The following PLD5 variants were observed in gnomAD, a reference collection of about 807,000 sequenced individuals.
PLD5 encodes the protein phospholipase D family member 5.
In PLD5, 36 loss-of-function variants were observed where a neutral mutation model predicts 61.1. That is an observed-to-expected ratio of 0.59 (90% CI 0.45 to 0.78). PLD5 has a LOEUF of 0.78. Ranked by LOEUF, PLD5 falls within the 30% of genes least tolerant of loss-of-function variation. PLD5 has a pLI of 0.00. For synonymous variants in PLD5, 243 were observed against 242.8 expected (o/e 1.00, Z -0.01); for missense variants, 515 against 644.4 (o/e 0.80, Z 2.17).
At chr1:242,216,666 T>G (rs754579729) in intron 5 of PLD5, among the ~76,000 whole-genome samples, 11 of 152,222 alleles carry the variant, frequency 7.2e-5, no homozygotes, top group Non-Finnish European at 1.6e-4. Flanking sequence ...CAGCACCTTC[T>G]TTACAGCACC....
intron 1 of PLD5, among the ~76,000 whole-genome samples, chr1:242,369,781 AT>A (rs2149245065): frequency 6.6e-6 from 1 of 152,306 alleles, no homozygotes; most frequent in East Asian, 1.9e-4. Context: ...AAGGCAAGTT[AT>A]TTATCCATAG....
In PLD5 at chr1:242,400,762, A is replaced by G. The variant is rs150797036; in HGVS notation, c.190-52520T>C. 3.1e-3 allele frequency among the ~76,000 whole-genome samples: 475 copies of G among 152,212 alleles called. 1 individual carries two copies. Among genetic ancestry groups the G allele is most frequent in the Non-Finnish European group, 5.3e-3 (363 of 68,004 alleles). Reference sequence around the variant, plus strand: ...AGCCCCCAAGAACCTCCTGCCAATTATATGCCCATGTGCATAAGCTTTCTC... The same window carrying G: ...AGCCCCCAAGAACCTCCTGCCAATTGTATGCCCATGTGCATAAGCTTTCTC... On this transcript the variant is annotated intron_variant, in intron 1 of 9. Transcript: ENST00000536534.
intron 1 of PLD5, among the ~76,000 whole-genome samples, chr1:242,407,272 C>T (rs867441610): frequency 2.4e-5 from 3 of 125,718 alleles, no homozygotes; most frequent in South Asian, 2.5e-4. Flanking sequence ...CAGTTCACCA[C>T]GTGGAACTGT....
chr1:242,231,986 C>T (rs1574571109), intron 4 of PLD5, among the ~76,000 whole-genome samples: 1 of 147,338 alleles, frequency 6.8e-6, no homozygotes, highest in Admixed American at 6.7e-5. Context: ...CCAATGTAAG[C>T]AAAAATGACG....
intron 5 of PLD5, among the ~76,000 whole-genome samples, chr1:242,126,960 G>GA (rs374236485): frequency 2.7e-5 from 4 of 150,646 alleles, no homozygotes; most frequent in Non-Finnish European, 4.4e-5. Context: ...AAATTAGCAA[G>GA]AAAAAAACAA....
intron 2 of PLD5, among the ~76,000 whole-genome samples, chr1:242,306,296 A>T (rs925942347): frequency 6.6e-6 from 1 of 150,474 alleles, no homozygotes; most frequent in African/African-American, 2.5e-5. Context: ...TTTAAATCTG[A>T]GTTGCTGGGC....
At chr1:242,467,224 A>G (rs955329567) in intron 1 of PLD5, among the ~76,000 whole-genome samples, 2 of 152,256 alleles carry the variant, frequency 1.3e-5, no homozygotes, top group Admixed American at 6.5e-5. Context: ...CTTGTTAATT[A>G]TAATAAAATT....
At chr1:242,348,072 C>A (rs1243165989) in intron 2 of PLD5, 34 bp downstream of exon 2, 1 of 1,608,430 alleles carries the variant, frequency 6.2e-7, no homozygotes, top group East Asian at 2.2e-5. Flanking sequence ...CTTGCCCGCC[C>A]CCTAAAAGAG....
At chr1:242,255,377 A>G (rs1325219796) in intron 4 of PLD5, among the ~76,000 whole-genome samples, 1 of 152,230 alleles carries the variant, frequency 6.6e-6, no homozygotes, top group Non-Finnish European at 1.5e-5. Flanking sequence ...ACCTAAGTAA[A>G]AAAAGCCTCA....
chr1:242,257,038 T>A (rs866412412), intron 4 of PLD5, among the ~76,000 whole-genome samples: 3 of 142,394 alleles, frequency 2.1e-5, no homozygotes, highest in South Asian at 2.4e-4. Flanking sequence ...CCTACCTACC[T>A]TCTATCTATC....
At chr1:242,452,213 C>CT (rs571263476) in intron 1 of PLD5, among the ~76,000 whole-genome samples, 36 of 149,400 alleles carry the variant, frequency 2.4e-4, no homozygotes, top group East Asian at 1.4e-3. Context: ...GCATTTTGGA[C>CT]TTTTTTTTTT....
At chr1:242,458,471 G>A (rs1334660065) in intron 1 of PLD5, among the ~76,000 whole-genome samples, 1 of 152,202 alleles carries the variant, frequency 6.6e-6, no homozygotes, top group Non-Finnish European at 1.5e-5. Flanking sequence ...GGCAGGGGTT[G>A]CCCCTCCAAA....
intron 3 of PLD5, among the ~76,000 whole-genome samples, chr1:242,282,854 C>CA (rs910944922): frequency 6.6e-6 from 1 of 152,078 alleles, no homozygotes; most frequent in African/African-American, 2.4e-5. Flanking sequence ...CAGACAGAAA[C>CA]AAAAACCTTT....
intron 5 of PLD5, among the ~76,000 whole-genome samples, chr1:242,148,201 G>C (rs563361683): frequency 6.6e-6 from 1 of 151,034 alleles, no homozygotes; most frequent in East Asian, 1.9e-4. Flanking sequence ...TTTGCATAAA[G>C]TATGAATCTA....
intron 4 of PLD5, among the ~76,000 whole-genome samples, chr1:242,262,212 T>C (rs1216394688): frequency 6.6e-6 from 1 of 152,182 alleles, no homozygotes; most frequent in South Asian, 2.1e-4. Context: ...AATCCAGATA[T>C]AGAATTCTGT....
chr1:242,211,035 T>C lies in PLD5; in HGVS notation c.735+8953A>G, dbSNP rs1451858336. On this transcript the variant is annotated intron_variant, in intron 5 of 9. Coordinates refer to ENST00000536534, the MANE Select transcript of PLD5 (RefSeq NM_001372062.1). ...ACGAAACCGTTCTGTAACATAGAAG[T>C]GCCAGGTGAAGCAGAAAGTGATGAT... 2.0e-5 allele frequency among the ~76,000 whole-genome samples: 3 copies of C among 152,166 alleles called. No individual in the cohort carries two copies. In the East Asian group the frequency reaches 5.8e-4, roughly 29 times the overall value.
chr1:242,484,986 A>G (rs1206285346), intron 1 of PLD5, among the ~76,000 whole-genome samples: 4 of 152,200 alleles, frequency 2.6e-5, no homozygotes, highest in African/African-American at 9.7e-5. Context: ...AGATGCAGAA[A>G]AGGCCTTTGA....
chr1:242,251,989 G>A (rs1672729715), intron 4 of PLD5, among the ~76,000 whole-genome samples: 1 of 152,330 alleles, frequency 6.6e-6, no homozygotes, highest in East Asian at 1.9e-4. Context: ...GTTATGTTCA[G>A]TAAGTAAGAG....
chr1:242,508,936 C>T (rs1390223409), intron 1 of PLD5, among the ~76,000 whole-genome samples: 1 of 152,086 alleles, frequency 6.6e-6, no homozygotes, highest in Non-Finnish European at 1.5e-5. Flanking sequence ...CAAAAATTAG[C>T]CAGGCATGGT....
Sources: allele counts gnomAD v4.1 joint callset (sites outside exome capture counted in the v4.1 genomes callset), GRCh38; gene constraint gnomAD v4.1.1; transcripts MANE v1.5; gene names NCBI Gene and HGNC (gene_info 2026-07-23, HGNC 2026-07-21).